Variants in SFI1 observed in about 807,000 individuals in gnomAD.
SFI1 encodes the protein SFI1 centrin binding protein.
Under a neutral mutation model 207.5 loss-of-function variants are expected in SFI1, and 195 were observed. The ratio of observed to expected loss-of-function variants is 0.94; its 90% CI spans 0.84 to 1.06. The LOEUF is 1.06. Ranked by LOEUF, SFI1 falls within the 50% of genes least tolerant of loss-of-function variation. The probability of loss-of-function intolerance (pLI) is 0.00; values close to 1 mark genes in which losing one functional copy is unlikely to be tolerated. For synonymous variants in SFI1, 630 were observed against 598.9 expected, an observed-to-expected ratio of 1.05 and a Z score of -0.76; for missense variants, 1,634 against 1,588.0, an observed-to-expected ratio of 1.03 and a Z score of -0.49.
At chr22:31,614,420 GGTGC>G in intron 27 of SFI1, 20 of 409,986 alleles carry the variant, frequency 4.9e-5, no homozygotes, top group Admixed American at 2.0e-4. Context: ...ATGTCAGGTG[GGTGC>G]ATGGGGCCTG....
At chr22:31,564,500 AT>A (rs1482849422) in intron 8 of SFI1, among the ~76,000 whole-genome samples, 3 of 151,226 alleles carry the variant, frequency 2.0e-5, no homozygotes, top group African/African-American at 2.4e-5. Context: ...TTGCTCCAGA[AT>A]TTTTTTTAAG....
chr22:31,617,182 G>A lies in SFI1; in HGVS notation c.3512+104G>A, dbSNP rs540637208. ...CCCCCGAGCCAGCTGCCAGGGTCCTGTAGGTGGTCTCGGTCTAGCCATGGA... is the reference window on the plus strand; with the variant it reads ...CCCCCGAGCCAGCTGCCAGGGTCCTATAGGTGGTCTCGGTCTAGCCATGGA... On this transcript the variant is annotated intron_variant, in intron 31 of 32. Transcript: ENST00000400288. 1.6e-5 allele frequency: 20 copies of A among 1,259,300 alleles called. No homozygotes were observed. In the African/African-American group the frequency reaches 1.6e-4, roughly 10 times the overall value. 78.0% of individuals were successfully genotyped at this position (1,259,300 alleles called of 1,614,324 possible).
chr22:31,513,236 G>A (rs1283471274), intron 2 of SFI1, among the ~76,000 whole-genome samples: 1 of 151,890 alleles, frequency 6.6e-6, no homozygotes. Flanking sequence ...ATGGCTCACT[G>A]CAGCCTCAGC....
Position 31,541,634 on chromosome 22 carries a change from C to T in SFI1, c.339-5227C>T, listed in dbSNP as rs552195022. ...CCAGGTGTGCCTGTAATTCCAGTTA[C>T]TCAGGAGGCTGAGGCAGGAGAATTG... On this transcript the variant is annotated intron_variant, in intron 4 of 32. Transcript: ENST00000400288. 7.3e-5 allele frequency among the ~76,000 whole-genome samples: 11 copies of T among 150,540 alleles called. No homozygotes were observed. In the East Asian group the frequency reaches 1.6e-3, roughly 22 times the overall value.
At chr22:31,555,556 T>C (rs1179984449) in intron 6 of SFI1, among the ~76,000 whole-genome samples, 1 of 152,206 alleles carries the variant, frequency 6.6e-6, no homozygotes, top group Admixed American at 6.5e-5. Context: ...CAGAGACAGT[T>C]AATGAGATTC....
intron 1 of SFI1, among the ~76,000 whole-genome samples, chr22:31,503,107 T>TG (rs1367638638): frequency 6.7e-6 from 1 of 148,728 alleles, no homozygotes; most frequent in Non-Finnish European, 1.5e-5. Flanking sequence ...AAGCTCCTTG[T>TG]GTCTGAGCAG....
chr22:31,596,190 C>T (rs2067082461), intron 15 of SFI1, among the ~76,000 whole-genome samples: 1 of 152,106 alleles, frequency 6.6e-6, no homozygotes, highest in South Asian at 2.1e-4. Flanking sequence ...GAGGCAGAGG[C>T]TACAGTGAGT....
chr22:31,591,788 A>C (rs1484554620), intron 15 of SFI1, among the ~76,000 whole-genome samples: 3 of 51,338 alleles, frequency 5.8e-5, no homozygotes, highest in South Asian at 1.0e-3. Context: ...GACCCCCCCC[A>C]CCTCCCTCCC....
chr22:31,563,397 C>G (rs994812204), intron 8 of SFI1, among the ~76,000 whole-genome samples: 1 of 152,028 alleles, frequency 6.6e-6, no homozygotes, highest in Non-Finnish European at 1.5e-5. Context: ...TGCAGGGATA[C>G]TGACTAAACT....
chr22:31,547,207 A>G (rs1008927732), intron 5 of SFI1, among the ~76,000 whole-genome samples: 1 of 152,110 alleles, frequency 6.6e-6, no homozygotes, highest in Non-Finnish European at 1.5e-5. Flanking sequence ...TCAGGTAACC[A>G]TTATGTATTG....
At chr22:31,570,367 G>T (rs2145777345) in intron 8 of SFI1, among the ~76,000 whole-genome samples, 1 of 152,284 alleles carries the variant, frequency 6.6e-6, no homozygotes, top group East Asian at 1.9e-4. Context: ...TTGGAACAAT[G>T]GAGTGCCATT....
At chr22:31,542,441 A>C (rs1279816304) in intron 4 of SFI1, among the ~76,000 whole-genome samples, 1 of 151,728 alleles carries the variant, frequency 6.6e-6, no homozygotes, top group Non-Finnish European at 1.5e-5. Flanking sequence ...CAGCCTGGCC[A>C]ACATGGTGAA....
Position 31,575,138 on chromosome 22 carries a change from T to G in SFI1, c.923-93T>G, listed in dbSNP as rs1381659407. Reference sequence around the variant, plus strand: ...TGTGTGTGTGGCCTTGAACCCCTGCTCTCTGCCAGTAGTGGGGTTCAGCTT... The same window carrying G: ...TGTGTGTGTGGCCTTGAACCCCTGCGCTCTGCCAGTAGTGGGGTTCAGCTT... On this transcript the variant is annotated intron_variant, in intron 9 of 32. Coordinates refer to ENST00000400288, the MANE Select transcript of SFI1 (RefSeq NM_001007467.3). The G allele has an allele frequency of 6.9e-6, 8 of 1,155,258 alleles. No individual in the cohort carries two copies. In the African/African-American group the frequency reaches 1.1e-4, roughly 16 times the overall value. The allele number at this position is 1,155,258 out of a possible 1,614,324, so 71.6% of individuals were successfully genotyped here. A position where few individuals can be genotyped will look rare whatever the true frequency, so the allele number is the denominator to read the frequency against.
At chr22:31,602,384 G>A (rs905690321) in intron 16 of SFI1, 91 bp downstream of exon 16, 18 of 1,324,930 alleles carry the variant, frequency 1.4e-5, no homozygotes, top group Middle Eastern at 2.2e-4. Flanking sequence ...GAAGTTGCTC[G>A]GACCTCACTG....
chr22:31,567,547 T>C (rs1190273991), intron 8 of SFI1, among the ~76,000 whole-genome samples: 5 of 151,012 alleles, frequency 3.3e-5, no homozygotes, highest in African/African-American at 1.2e-4. Flanking sequence ...TATATATGAA[T>C]GTGTGTCTGT....
At chr22:31,508,845 T>G (rs2055059144) in intron 2 of SFI1, among the ~76,000 whole-genome samples, 1 of 152,200 alleles carries the variant, frequency 6.6e-6, no homozygotes, top group South Asian at 2.1e-4. Context: ...CTAGAGGTAG[T>G]ACCACCTTAG....
At chr22:31,578,531 T>C in intron 11 of SFI1, 79 bp downstream of exon 11, 1 of 1,319,128 alleles carries the variant, frequency 7.6e-7, no homozygotes, top group Non-Finnish European at 1.0e-6. Context: ...CTGACCCCTA[T>C]CACCTTCATT....
intron 8 of SFI1, among the ~76,000 whole-genome samples, chr22:31,561,697 G>T (rs16989279): frequency 7.9e-4 from 120 of 152,294 alleles, no homozygotes; most frequent in African/African-American, 2.8e-3. Context: ...TTTCCTCGTT[G>T]CTGTTTTCCT....
chr22:31,570,325 C>G (rs1012545962), intron 8 of SFI1, among the ~76,000 whole-genome samples: 1 of 152,104 alleles, frequency 6.6e-6, no homozygotes, highest in Non-Finnish European at 1.5e-5. Flanking sequence ...GTTTTAGCGT[C>G]CAAGATGACT....
Sources: allele counts gnomAD v4.1 joint callset (sites outside exome capture counted in the v4.1 genomes callset), GRCh38; gene constraint gnomAD v4.1.1; transcripts MANE v1.5; gene names NCBI Gene and HGNC (gene_info 2026-07-23, HGNC 2026-07-21).